The following KLF8 variants were observed in gnomAD, a reference collection of about 807,000 sequenced individuals.
KLF8 encodes the protein Krueppel-like factor 8.
Under a neutral mutation model 18.2 loss-of-function variants are expected in KLF8, and 10 were observed. The observed-to-expected ratio is 0.55, with a 90% CI of 0.34 to 0.93. The LOEUF (loss-of-function observed/expected upper bound fraction) is 0.93, where lower values mean the gene tolerates loss of function less well. KLF8 is among the 40% of genes least tolerant of loss of function. The pLI is 0.02. For missense variants in KLF8, 264 were observed against 277.9 expected (o/e 0.95, Z 0.36); for synonymous variants, 109 against 97.3 (o/e 1.12, Z -0.71).
chrX:56,054,709 G>C, the KLF8 span, among the ~76,000 whole-genome samples: 2 of 111,585 alleles, frequency 1.8e-5, no homozygotes, highest in Non-Finnish European at 3.8e-5. Flanking sequence ...CACTCTCACT[G>C]TGTGTGAGTC....
At chrX:56,251,012 T>C (rs2066702482) in intron 2 of KLF8, among the ~76,000 whole-genome samples, 1 of 112,505 alleles carries the variant, frequency 8.9e-6, no homozygotes, top group Non-Finnish European at 1.9e-5. Context: ...TAAATGTTGG[T>C]CTCATCCAAA....
chrX:56,257,071 T>C (rs1319116772), intron 2 of KLF8, among the ~76,000 whole-genome samples: 1 of 111,904 alleles, frequency 8.9e-6, no homozygotes, highest in African/African-American at 3.2e-5. Context: ...AATAAATTAA[T>C]GTTTTATAAT....
chrX:56,204,048 A>G, the KLF8 span, among the ~76,000 whole-genome samples: 1 of 111,428 alleles, frequency 9.0e-6, no homozygotes, highest in African/African-American at 3.3e-5. Context: ...AATTCTTCCA[A>G]TTTTGAACAT....
chrX:56,167,394 T>A, the KLF8 span, among the ~76,000 whole-genome samples: 1 of 112,049 alleles, frequency 8.9e-6, no homozygotes, highest in Non-Finnish European at 1.9e-5. Context: ...CCTCCCAAAG[T>A]GCTGGGATTA....
At chrX:55,988,861 A>G in the KLF8 span, among the ~76,000 whole-genome samples, 4 of 111,162 alleles carry the variant, frequency 3.6e-5, no homozygotes, top group South Asian at 3.8e-4. Context: ...ATTTGTTTGT[A>G]TCCTTTTTTA....
the KLF8 span, among the ~76,000 whole-genome samples, chrX:55,965,662 G>A: frequency 2.7e-5 from 3 of 111,983 alleles, no homozygotes; most frequent in Admixed American, 9.5e-5. Context: ...AAGGCTGTTA[G>A]ACCTTACTAA....
intron 3 of KLF8, chrX:56,267,229 G>A: frequency 1.3e-6 from 1 of 745,849 alleles, no homozygotes; most frequent in Non-Finnish European, 1.6e-6. Flanking sequence ...AATGGTGTCT[G>A]TATTAGTTCG....
At chrX:56,058,889 A>G in the KLF8 span, among the ~76,000 whole-genome samples, 9,945 of 111,275 alleles carry the variant, frequency 0.089, 1,095 homozygotes, top group African/African-American at 0.31. Context: ...GCTGGGTCAA[A>G]TGATATTTCC....
the KLF8 span, among the ~76,000 whole-genome samples, chrX:56,218,104 C>A: frequency 9.0e-6 from 1 of 111,591 alleles, no homozygotes; most frequent in Admixed American, 9.5e-5. Flanking sequence ...AAACCTGTAC[C>A]TGTGCCTGCA....
the KLF8 span, among the ~76,000 whole-genome samples, chrX:56,200,963 A>C: frequency 5.1e-4 from 57 of 111,847 alleles, no homozygotes; most frequent in Non-Finnish European, 9.2e-4. Context: ...AAAAAATAAA[A>C]GATGACACAT....
the KLF8 span, among the ~76,000 whole-genome samples, chrX:56,189,993 A>C: frequency 9.2e-6 from 1 of 109,101 alleles, no homozygotes; most frequent in African/African-American, 3.3e-5. Context: ...CACATTGTGC[A>C]CATGTACCCT....
chrX:56,157,199 C>A, the KLF8 span, among the ~76,000 whole-genome samples: 1 of 94,626 alleles, frequency 1.1e-5, no homozygotes, highest in Non-Finnish European at 2.0e-5. Flanking sequence ...AACATATGGA[C>A]ACAGGAAGGG....
chrX:56,021,568 G>C, the KLF8 span, among the ~76,000 whole-genome samples: 60 of 109,755 alleles, frequency 5.5e-4, no homozygotes, highest in Non-Finnish European at 1.0e-3. Context: ...TTTCCAAAGT[G>C]GTTATACTGA....
intron 2 of KLF8, among the ~76,000 whole-genome samples, chrX:56,259,066 A>G (rs1452066884): frequency 9.0e-6 from 1 of 111,662 alleles, no homozygotes; most frequent in Non-Finnish European, 1.9e-5. Context: ...GTTTCTGATT[A>G]CTTCCTACAA....
the KLF8 span, among the ~76,000 whole-genome samples, chrX:55,938,637 G>C: frequency 7.2e-5 from 8 of 110,409 alleles, no homozygotes; most frequent in Non-Finnish European, 1.5e-4. Flanking sequence ...CCCATCTCAC[G>C]TGCAGAGACA....
At chrX:56,053,047 C>A in the KLF8 span, among the ~76,000 whole-genome samples, 2 of 112,003 alleles carry the variant, frequency 1.8e-5, no homozygotes, top group African/African-American at 6.5e-5. Flanking sequence ...CCGTCTGTCA[C>A]CCCTTTCTTT....
the KLF8 span, among the ~76,000 whole-genome samples, chrX:56,008,137 T>TATATATATATATATATAC: frequency 2.3e-4 from 24 of 106,462 alleles, no homozygotes; most frequent in African/African-American, 8.7e-4. Flanking sequence ...TATATATATA[T>TATATATATATATATATAC]ACACACACAA....
chrX:56,208,324 A>G, the KLF8 span, among the ~76,000 whole-genome samples: 1 of 111,676 alleles, frequency 9.0e-6, no homozygotes, highest in South Asian at 3.7e-4. Flanking sequence ...ATCAGTTCTA[A>G]TGTCTCCTTT....
the KLF8 span, among the ~76,000 whole-genome samples, chrX:56,194,254 G>T: frequency 5.8e-4 from 65 of 111,449 alleles, no homozygotes; most frequent in African/African-American, 2.0e-3. Flanking sequence ...GCTGAAGCAG[G>T]GCAGGGCGTC....
Sources: allele counts gnomAD v4.1 joint callset (sites outside exome capture counted in the v4.1 genomes callset), GRCh38; gene constraint gnomAD v4.1.1; transcripts MANE v1.5; gene names NCBI Gene and HGNC (gene_info 2026-07-23, HGNC 2026-07-21).